Variants in KLHL21 observed in about 807,000 individuals in gnomAD.
The protein encoded by KLHL21 is kelch like family member 21.
Under a neutral mutation model 44.1 loss-of-function variants are expected in KLHL21, and 42 were observed. The observed-to-expected ratio is 0.95, with a 90% CI of 0.74 to 1.23. The LOEUF (loss-of-function observed/expected upper bound fraction) is 1.23, where lower values mean the gene tolerates loss of function less well. Ranked by LOEUF, KLHL21 falls within the 50% of genes most tolerant of loss-of-function variation. The pLI is 0.00. For synonymous variants in KLHL21, 524 were observed against 411.6 expected (o/e 1.27, Z -3.31); for missense variants, 918 against 889.1 (o/e 1.03, Z -0.41).
intron 1 of KLHL21, chr1:6,599,782 C>CCACCG: frequency 3.5e-6 from 1 of 289,596 alleles, no homozygotes; most frequent in Admixed American, 4.8e-5. Context: ...GGCCTTGGGA[C>CCACCG]AGTTCTCCTG....
At chr1:6,596,922 T>A (rs1557433393) in intron 2 of KLHL21, among the ~76,000 whole-genome samples, 1 of 152,234 alleles carries the variant, frequency 6.6e-6, no homozygotes, top group South Asian at 2.1e-4. Context: ...AGGCACAAGC[T>A]GCCCAAAGAC....
At chr1:6,596,020 C>A (rs1344017740) in intron 2 of KLHL21, among the ~76,000 whole-genome samples, 1 of 152,178 alleles carries the variant, frequency 6.6e-6, no homozygotes, top group Non-Finnish European at 1.5e-5. Context: ...GTTGAAGTAC[C>A]CCTCACTTTG....
intron 1 of KLHL21, chr1:6,599,832 G>C (rs1445314662): frequency 4.8e-6 from 1 of 209,660 alleles, no homozygotes; most frequent in African/African-American, 2.3e-5. Flanking sequence ...ACAGGGACTT[G>C]CTCACTAACT....
chr1:6,601,936 G>T lies in KLHL21; in HGVS notation c.882C>A (p.Cys294Ter). 6.4e-7 allele frequency: 1 copy of T among 1,560,734 alleles called. No homozygotes were observed. Among genetic ancestry groups the T allele is most frequent in the East Asian group, 2.4e-5 (1 of 41,416 alleles). Residue 294 changes from cysteine (C) to a stop codon, truncating the protein, a stop_gained, in exon 1 of 4, where the codon TGC becomes TGA. Transcript: ENST00000377658. LOFTEE classifies it high-confidence loss of function. The stretch of plus-strand genomic sequence containing the variant: ...TGACCAGCTCGTCACAGTCCTGGTC[G>T]CAGCCGCCCACGAGCACGAGGATCT... ...LAEILVLVGGCDQDCDELVTV... is the reference protein window; with the variant it reads ...LAEILVLVGG
rs2148699521 is a variant in KLHL21 at position 6,591,367 on chromosome 1, AG to A, written c.*1997del. The A allele has an allele frequency of 4.5e-6, 1 of 220,136 alleles. No homozygotes were observed. Among genetic ancestry groups the A allele is most frequent in the South Asian group, 1.9e-4 (1 of 5,336 alleles). 13.6% of individuals were successfully genotyped at this position (220,136 alleles called of 1,614,324 possible). A position where few individuals can be genotyped will look rare whatever the true frequency, so the allele number is the denominator to read the frequency against. On this transcript the variant is annotated 3_prime_UTR_variant, in exon 4 of 4. Transcript: ENST00000377658. The stretch of plus-strand genomic sequence containing the variant: ...GGCCGACACAAGCCTGGAGTACGGC[AG>A]CTGCCAACCACAGCAAAGCCGCAAA...
Position 6,602,526 on chromosome 1 carries a change from G to A in KLHL21, c.292C>T (p.Arg98Cys). Residue 98 changes from arginine to cysteine, a missense_variant, in exon 1 of 4, where the codon CGC becomes TGC. Physicochemically the swap from Arg to Cys is radical, Grantham distance 180. Coordinates refer to ENST00000377658, the MANE Select transcript of KLHL21 (RefSeq NM_014851.4). ...QLLLDFSYTGRVAVSGDNAEP... is the reference protein window; with the variant it reads ...QLLLDFSYTGCVAVSGDNAEP... The stretch of plus-strand genomic sequence containing the variant: ...GCGTTGTCGCCGCTTACCGCCACGC[G>A]GCCCGTGTAGCTGAAGTCCAGCAGC... 2.6e-6 allele frequency: 4 copies of A among 1,540,932 alleles called. No individual in the cohort carries two copies. Among genetic ancestry groups the A allele is most frequent in the African/African-American group, 2.7e-5 (2 of 73,244 alleles).
rs1392256901 is a variant in KLHL21 at position 6,601,766 on chromosome 1, A to G, written c.1021+31T>C. 3 of 1,521,108 alleles carry G rather than the reference A, an allele frequency of 2.0e-6. No homozygotes were observed. The Admixed American group carries it at 6.0e-5, about 30-fold the overall frequency. The allele number at this position is 1,521,108 out of a possible 1,614,324, so 94.2% of individuals were successfully genotyped here. On this transcript the variant is annotated intron_variant, in intron 1 of 3. Coordinates refer to ENST00000377658, the MANE Select transcript of KLHL21 (RefSeq NM_014851.4). ...TCCCGTACCGGCGAGGTTCAACCCC[A>G]GAGAGCCTGCCCAGCCCCTGGCCCA...
At chr1:6,598,976 T>A in intron 2 of KLHL21, 71 bp downstream of exon 2, 1 of 1,420,974 alleles carries the variant, frequency 7.0e-7, no homozygotes, top group African/African-American at 1.4e-5. Context: ...AGAACAGCCA[T>A]GATGTGTGCT....
rs773723628 is a variant in KLHL21, at chr1:6,599,139, G to T, written c.1335C>A (p.Thr445=). 8.1e-6 allele frequency: 13 copies of T among 1,613,780 alleles called. No homozygotes were observed. In the South Asian group the frequency reaches 1.4e-4, roughly 18 times the overall value. The part of the protein sequence containing the change: ...TMVMQCYDPD[T]DLWSLVDCGQ... The stretch of plus-strand genomic sequence containing the variant: ...CGCAGTCCACCAGCGACCACAGGTC[G>T]GTGTCCGGGTCGTAGCACTGCATCA... Residue 445 remains threonine, a synonymous_variant, in exon 2 of 4, where the codon ACC becomes ACA. Transcript: ENST00000377658.
intron 3 of KLHL21, 76 bp downstream of exon 3, chr1:6,595,409 A>G (rs1640910095): frequency 7.5e-7 from 1 of 1,326,742 alleles, no homozygotes; most frequent in Non-Finnish European, 1.1e-6. Context: ...GATCCCAAAC[A>G]CTCATCACGA....
chr1:6,595,403 C>T (rs1331994238), intron 3 of KLHL21, 82 bp downstream of exon 3: 2 of 1,299,156 alleles, frequency 1.5e-6, no homozygotes, highest in East Asian at 2.4e-5. Context: ...GCTGTGGATC[C>T]CAAACACTCA....
chr1:6,602,368 G>C lies in KLHL21; in HGVS notation c.450C>G (p.Cys150Trp). 1 of 1,582,196 alleles carries C rather than the reference G, an allele frequency of 6.3e-7. No individual in the cohort carries two copies. Among genetic ancestry groups the C allele is most frequent in the Non-Finnish European group, 8.6e-7 (1 of 1,168,602 alleles). Residue 150 changes from cysteine (C) to tryptophan (W), a missense_variant, in exon 1 of 4, where the codon TGC (cysteine) becomes TGG (tryptophan). Coordinates refer to ENST00000377658, the MANE Select transcript of KLHL21 (RefSeq NM_014851.4). ...DMQDFAEAFSCSGLASAAQRF... is the reference protein window; with the variant it reads ...DMQDFAEAFSWSGLASAAQRF... ...GCTGCGCCGCGCTCGCCAGTCCCGA[G>C]CAGCTGAAGGCCTCAGCGAAGTCCT...
At chr1:6,600,747 C>T (rs1641004810) in intron 1 of KLHL21, among the ~76,000 whole-genome samples, 1 of 152,252 alleles carries the variant, frequency 6.6e-6, no homozygotes, top group African/African-American at 2.4e-5. Context: ...TGCTCAAAGC[C>T]ACTGGTCAGA....
chr1:6,597,476 C>A (rs1182314450), intron 2 of KLHL21, among the ~76,000 whole-genome samples: 1 of 152,202 alleles, frequency 6.6e-6, no homozygotes, highest in African/African-American at 2.4e-5. Flanking sequence ...GAGAGCCGGG[C>A]AAAGGGTCAG....
chr1:6,591,632 C>T lies in KLHL21; in HGVS notation c.*1733G>A, dbSNP rs912084808. 4 of 152,438 alleles carry T rather than the reference C, an allele frequency of 2.6e-5. No individual in the cohort carries two copies. In the East Asian group the frequency reaches 7.7e-4, roughly 29 times the overall value. 9.4% of individuals were successfully genotyped at this position (152,438 alleles called of 1,614,324 possible). A position where few individuals can be genotyped will look rare whatever the true frequency, so the allele number is the denominator to read the frequency against. On this transcript the variant is annotated 3_prime_UTR_variant, in exon 4 of 4. Coordinates refer to ENST00000377658, the MANE Select transcript of KLHL21 (RefSeq NM_014851.4). Reference sequence around the variant, plus strand: ...AAGCTGCCCCGCTGAACTCCAACAACCTCTGGGTGGGCTCAGCAGCCCCTA... The same window carrying T: ...AAGCTGCCCCGCTGAACTCCAACAATCTCTGGGTGGGCTCAGCAGCCCCTA...
chr1:6,599,696 A>C (rs549957691), intron 1 of KLHL21: 51 of 552,798 alleles, frequency 9.2e-5, no homozygotes, highest in East Asian at 8.5e-4. Flanking sequence ...CCTGAGTGCA[A>C]TGCTGGAAGA....
rs987098835 is a variant in KLHL21, at chr1:6,593,300, G to A, written c.*65C>T. 1 of 1,472,242 alleles carries A rather than the reference G, an allele frequency of 6.8e-7. No individual in the cohort carries two copies. The highest frequency in any genetic ancestry group is 1.4e-5 in the African/African-American group (1 of 71,058). 91.2% of individuals were successfully genotyped at this position (1,472,242 alleles called of 1,614,324 possible). On this transcript the variant is annotated 3_prime_UTR_variant, in exon 4 of 4. Transcript: ENST00000377658. The stretch of plus-strand genomic sequence containing the variant: ...CCAACGTGTCCTTGTGCACAAAGGA[G>A]TGGGGCACTGCCCCGCAGAGGTGCC...
chr1:6,595,105 C>T, intron 3 of KLHL21: 2 of 479,162 alleles, frequency 4.2e-6, no homozygotes, highest in South Asian at 6.8e-5. Context: ...TCTGCTCCGG[C>T]CACATGGGCT....
At position 6,593,378 on chromosome 1, in the gene KLHL21, T is replaced by A; in HGVS notation, c.1781A>T (p.Asp594Val). 1 of 1,597,134 alleles carries A rather than the reference T, an allele frequency of 6.3e-7. No homozygotes were observed. The highest frequency in any genetic ancestry group is 1.1e-5 in the South Asian group (1 of 90,272). ...PGRPRPPRDPDELH is the reference protein window; with the variant it reads ...PGRPRPPRDPVELH ...GCCAGACTGGGGCTAGTGCAGCTCATCGGGGTCCCGCGGCGGCCGGGGTCG... is the reference window on the plus strand; with the variant it reads ...GCCAGACTGGGGCTAGTGCAGCTCAACGGGGTCCCGCGGCGGCCGGGGTCG... Residue 594 changes from aspartate to valine, a missense_variant, in exon 4 of 4, where the codon GAT becomes GTT. Transcript: ENST00000377658.
Sources: gnomAD v4.1 joint callset for allele counts (sites outside exome capture counted in the v4.1 genomes callset) on GRCh38, gnomAD v4.1.1 for gene constraint, MANE v1.5 for transcripts, NCBI Gene and HGNC (gene_info 2026-07-23, HGNC 2026-07-21) for gene names.